Variants in PTPRO observed in about 807,000 individuals in gnomAD.
The protein encoded by PTPRO is protein tyrosine phosphatase receptor type O, also known as receptor-type tyrosine-protein phosphatase O.
A neutral mutation model predicts 145.2 loss-of-function variants in PTPRO; 62 were observed. The ratio of observed to expected loss-of-function variants is 0.43; its 90% confidence interval spans 0.35 to 0.53. The LOEUF is 0.53. Ranked by LOEUF, PTPRO falls within the 20% of genes least tolerant of loss-of-function variation. The pLI is 0.01. For synonymous variants in PTPRO, 565 were observed against 514.7 expected (o/e 1.10, Z -1.32); for missense variants, 1,345 against 1,482.7 (o/e 0.91, Z 1.53).
intron 1 of PTPRO, among the ~76,000 whole-genome samples, chr12:15,332,092 A>C (rs561890970): frequency 2.0e-5 from 3 of 151,188 alleles, no homozygotes; most frequent in Admixed American, 6.6e-5. Flanking sequence ...CAGCCTCCCA[A>C]GTGGCTGCGA....
intron 2 of PTPRO, among the ~76,000 whole-genome samples, chr12:15,488,034 C>T (rs965252868): frequency 6.6e-6 from 1 of 152,144 alleles, no homozygotes; most frequent in Non-Finnish European, 1.5e-5. Flanking sequence ...AGGGGCTGGT[C>T]ACTCCTTCGA....
intron 6 of PTPRO, among the ~76,000 whole-genome samples, chr12:15,506,495 C>T (rs1175127972): frequency 6.6e-6 from 1 of 152,166 alleles, no homozygotes; most frequent in Non-Finnish European, 1.5e-5. Flanking sequence ...TTAATCGACT[C>T]ACAGTTCTGC....
intron 1 of PTPRO, among the ~76,000 whole-genome samples, chr12:15,477,049 C>T (rs375993072): frequency 2.9e-4 from 10 of 34,168 alleles, no homozygotes; most frequent in East Asian, 1.3e-3. Flanking sequence ...GACACATGCA[C>T]ACGTATGTTT....
intron 1 of PTPRO, among the ~76,000 whole-genome samples, chr12:15,463,166 G>T (rs184228785): frequency 8.5e-4 from 130 of 152,230 alleles, no homozygotes; most frequent in African/African-American, 3.1e-3. Context: ...GGATACTTAT[G>T]ACCTAAAAGG....
intron 1 of PTPRO, among the ~76,000 whole-genome samples, chr12:15,427,854 G>T (rs1322304548): frequency 6.6e-6 from 1 of 151,764 alleles, no homozygotes; most frequent in Non-Finnish European, 1.5e-5. Flanking sequence ...CATTATCATG[G>T]TTTCCTCTAA....
At chr12:15,490,701 G>A (rs776111915) in intron 2 of PTPRO, among the ~76,000 whole-genome samples, 15 of 152,090 alleles carry the variant, frequency 9.9e-5, no homozygotes, top group East Asian at 5.8e-4. Context: ...TAAAGTAAGC[G>A]CCTTAACAAA....
chr12:15,394,775 C>T (rs778153404), intron 1 of PTPRO, among the ~76,000 whole-genome samples: 6 of 152,088 alleles, frequency 3.9e-5, no homozygotes, highest in East Asian at 1.9e-4. Flanking sequence ...AAGGTTCTTC[C>T]GTCTATAGAG....
chr12:15,579,371 T>C (rs957979695), intron 20 of PTPRO, among the ~76,000 whole-genome samples: 1 of 152,110 alleles, frequency 6.6e-6, no homozygotes, highest in African/African-American at 2.4e-5. Context: ...AAAAGCAGCA[T>C]TCAAGGAAAA....
chr12:15,533,846 G>A (rs1943014821), intron 12 of PTPRO, among the ~76,000 whole-genome samples: 1 of 152,140 alleles, frequency 6.6e-6, no homozygotes, highest in Non-Finnish European at 1.5e-5. Flanking sequence ...GGGCTAACCT[G>A]CAGTTCAATT....
chr12:15,573,282 C>T (rs1944101387), intron 19 of PTPRO, among the ~76,000 whole-genome samples: 1 of 152,128 alleles, frequency 6.6e-6, no homozygotes, highest in Non-Finnish European at 1.5e-5. Flanking sequence ...CTCTTCTCAT[C>T]AGGCCTTCAA....
intron 1 of PTPRO, among the ~76,000 whole-genome samples, chr12:15,412,078 T>C (rs1307282390): frequency 1.3e-5 from 2 of 152,218 alleles, no homozygotes; most frequent in Non-Finnish European, 2.9e-5. Context: ...GTCAGCGAAA[T>C]TACAAAATGT....
In PTPRO at chr12:15,549,108, T is replaced by C; in HGVS notation, c.2319T>C (p.Val773=). 6.2e-7 allele frequency: 1 copy of C among 1,613,550 alleles called. No homozygotes were observed. The highest frequency in any genetic ancestry group is 8.5e-7 in the Non-Finnish European group (1 of 1,179,622). ...TGAAACCCCAGGAACCAGTTGCTGT[T>C]TCTTCCCATGTCGTGACCATCTCCA... ...QKTKLQEPVA[V]SSHVVTISSL... is the part of the protein sequence containing the mutation. The change falls in exon 14 of 27, where the codon GTT becomes GTC. Residue 773 remains valine (V), a synonymous_variant. Coordinates refer to ENST00000281171, the MANE Select transcript of PTPRO (RefSeq NM_030667.3).
At chr12:15,338,046 G>A (rs562475106) in intron 1 of PTPRO, among the ~76,000 whole-genome samples, 126 of 152,274 alleles carry the variant, frequency 8.3e-4, no homozygotes, top group African/African-American at 3.0e-3. Flanking sequence ...ACTCACAAAT[G>A]AGCACATATG....
At chr12:15,327,648 C>G (rs888647022) in intron 1 of PTPRO, among the ~76,000 whole-genome samples, 2 of 152,112 alleles carry the variant, frequency 1.3e-5, no homozygotes, top group African/African-American at 4.8e-5. Context: ...TATATCAGCT[C>G]TTTTTGCTCA....
intron 18 of PTPRO, among the ~76,000 whole-genome samples, chr12:15,567,969 G>A (rs1484639513): frequency 2.0e-5 from 3 of 152,136 alleles, no homozygotes; most frequent in East Asian, 1.9e-4. Flanking sequence ...TTTTATAAAT[G>A]AGTTATTGTT....
rs984389082 is a variant in PTPRO at position 15,581,887 on chromosome 12, C to T, written c.3255+86C>T. 1.9e-5 allele frequency: 30 copies of T among 1,550,788 alleles called. No individual in the cohort carries two copies. In the Middle Eastern group the frequency reaches 5.3e-4, roughly 27 times the overall value. On this transcript the variant is annotated intron_variant, in intron 23 of 26. Coordinates refer to ENST00000281171, the MANE Select transcript of PTPRO (RefSeq NM_030667.3). ...GGTCGGGGAGACCCTAACCCAGCGG[C>T]GCTAGAGGAATTACAGACACACACA...
intron 1 of PTPRO, among the ~76,000 whole-genome samples, chr12:15,451,725 A>T (rs1941051070): frequency 6.6e-6 from 1 of 152,230 alleles, no homozygotes. Flanking sequence ...TAGAAATTAA[A>T]TAACCTGCTC....
chr12:15,517,993 C>G (rs932591521), intron 9 of PTPRO, among the ~76,000 whole-genome samples: 6 of 140,416 alleles, frequency 4.3e-5, no homozygotes, highest in African/African-American at 1.6e-4. Flanking sequence ...AGTAGGGACT[C>G]TGTGTGCAGT....
chr12:15,419,688 T>C (rs1197798708), intron 1 of PTPRO, among the ~76,000 whole-genome samples: 1 of 151,380 alleles, frequency 6.6e-6, no homozygotes, highest in Non-Finnish European at 1.5e-5. Flanking sequence ...GTAGGCACTG[T>C]GTACACGAGA....
Sources: gnomAD v4.1 joint callset for allele counts (sites outside exome capture counted in the v4.1 genomes callset) on GRCh38, gnomAD v4.1.1 for gene constraint, MANE v1.5 for transcripts, NCBI Gene and HGNC (gene_info 2026-07-23, HGNC 2026-07-21) for gene names.